The following SYMPK variants were observed in gnomAD, a reference collection of about 807,000 sequenced individuals.
The protein encoded by SYMPK is symplekin.
Under a neutral mutation model 136.4 loss-of-function variants are expected in SYMPK, and 49 were observed. The ratio of observed to expected loss-of-function variants is 0.36; its 90% CI spans 0.29 to 0.46. The LOEUF is 0.46. Ranked by LOEUF, SYMPK falls within the 20% of genes least tolerant of loss-of-function variation. The pLI, the probability that SYMPK is intolerant of heterozygous loss-of-function variation, is 1.00. For missense variants in SYMPK, 1,365 were observed against 1,690.0 expected (o/e 0.81, Z 3.37); for synonymous variants, 766 against 713.0 (o/e 1.07, Z -1.19).
Position 45,847,633 on chromosome 19 carries a change from C to G in SYMPK, c.676+119G>C. ...AACCTAGCACCAGGGATCTTAACTACTGCACACACTGTTCCAGAAATTTAA... is the reference window on the plus strand; with the variant it reads ...AACCTAGCACCAGGGATCTTAACTAGTGCACACACTGTTCCAGAAATTTAA... On this transcript the variant is annotated intron_variant, in intron 7 of 26. Coordinates refer to ENST00000245934, the MANE Select transcript of SYMPK (RefSeq NM_004819.3). 3 of 1,264,854 alleles carry G rather than the reference C, an allele frequency of 2.4e-6. No homozygotes were observed. The East Asian group carries it at 7.2e-5, about 30-fold the overall frequency. 78.4% of individuals were successfully genotyped at this position (1,264,854 alleles called of 1,614,324 possible).
chr19:45,847,920 GGAT>G lies in SYMPK; in HGVS notation c.505_507del (p.Ile169del). ...CCGTCATTGTCAGAGTCCAATAGCA[GGAT>G]GATGTCCCCCGCCATGGCAGATACC... On this transcript the variant is annotated inframe_deletion, in exon 7 of 27. Coordinates refer to ENST00000245934, the MANE Select transcript of SYMPK (RefSeq NM_004819.3). The G allele has an allele frequency of 6.2e-7, 1 of 1,613,414 alleles. No individual in the cohort carries two copies. The highest frequency in any genetic ancestry group is 8.5e-7 in the Non-Finnish European group (1 of 1,179,588).
Position 45,816,000 on chromosome 19 carries a change from G to C in SYMPK, c.3538C>G (p.Pro1180Ala). 6.2e-7 allele frequency: 1 copy of C among 1,603,462 alleles called. No homozygotes were observed. Among genetic ancestry groups the C allele is most frequent in the East Asian group, 2.2e-5 (1 of 44,612 alleles). ...GCTTCCTCAGACGGGGGCGGGCCTG[G>C]CCGGGCCGACGGAGAGGGAGAGGGG... ...SSPSPSPSAR[P>A]GPPPSEEAMD... is the part of the protein sequence containing the mutation. Residue 1180 changes from proline to alanine, a missense_variant, in exon 26 of 27, where the codon CCA (proline) becomes GCA (alanine). Around this residue, in one of 11 missense-constraint regions of SYMPK, gnomAD observed 341 missense variants for 270.5 expected, o/e 1.26. Coordinates refer to ENST00000245934, the MANE Select transcript of SYMPK (RefSeq NM_004819.3).
At chr19:45,835,698 G>A (rs1473867025) in intron 10 of SYMPK, among the ~76,000 whole-genome samples, 1 of 152,114 alleles carries the variant, frequency 6.6e-6, no homozygotes, top group African/African-American at 2.4e-5. Flanking sequence ...GATCACTTGA[G>A]GTCAGGAGCC....
At chr19:45,829,704 G>T (rs1211478343) in intron 13 of SYMPK, among the ~76,000 whole-genome samples, 1 of 152,214 alleles carries the variant, frequency 6.6e-6, no homozygotes, top group Admixed American at 6.5e-5. Context: ...AATCAGGACA[G>T]AGAACCAGGT....
At position 45,852,191 on chromosome 19, in the gene SYMPK, G is replaced by T; in HGVS notation, c.299+121C>A. 4.0e-6 allele frequency: 4 copies of T among 1,000,880 alleles called. 1 individual carries two copies. The highest frequency in any genetic ancestry group is 3.9e-5 in the South Asian group (3 of 76,810). 62.0% of individuals were successfully genotyped at this position (1,000,880 alleles called of 1,614,324 possible). ...TTTGCTGGGGAATCAGTGTGTATGA[G>T]AGAGAGAAAGGGTCTGGGAAGCAGA... On this transcript the variant is annotated intron_variant, in intron 5 of 26. Transcript: ENST00000245934.
At chr19:45,818,236 G>A (rs1970801033) in intron 22 of SYMPK, 90 bp from the exon 23 acceptor site, 1 of 1,328,378 alleles carries the variant, frequency 7.5e-7, no homozygotes, top group Middle Eastern at 2.3e-4. Flanking sequence ...GCCCATGTGA[G>A]GGGAAGACTT....
At chr19:45,858,291 G>A (rs556254676) in intron 1 of SYMPK, among the ~76,000 whole-genome samples, 1 of 152,248 alleles carries the variant, frequency 6.6e-6, no homozygotes, top group East Asian at 1.9e-4. Flanking sequence ...CATCTGGCCT[G>A]TTCTTCCTCT....
chr19:45,816,589 G>T lies in SYMPK; in HGVS notation c.3259-12C>A, dbSNP rs758241936. The stretch of plus-strand genomic sequence containing the variant: ...GGGATGTGAGCTTGCTGGGTGGAGA[G>T]CAGGAAGGGGGCGCTGGGGGCAGCT... On this transcript the variant is annotated splice_polypyrimidine_tract_variant and intron_variant, in intron 24 of 26. Transcript: ENST00000245934. 15 of 1,613,282 alleles carry T rather than the reference G, an allele frequency of 9.3e-6. No homozygotes were observed. Among genetic ancestry groups the T allele is most frequent in the Admixed American group, 3.3e-5 (2 of 59,986 alleles).
chr19:45,831,010 T>C (rs932295097), intron 12 of SYMPK: 1 of 164,800 alleles, frequency 6.1e-6, no homozygotes, highest in South Asian at 2.0e-4. Flanking sequence ...TAGCATTTAC[T>C]ACACAACAGG....
intron 5 of SYMPK, among the ~76,000 whole-genome samples, chr19:45,851,811 T>TTCGCCAC (rs1473648666): frequency 6.6e-5 from 10 of 151,964 alleles, no homozygotes; most frequent in African/African-American, 2.4e-4. Context: ...AAGTCGGAGG[T>TTCGCCAC]TGCAGTGAGC....
chr19:45,816,368 G>A, intron 25 of SYMPK, 114 bp downstream of exon 25: 1 of 1,400,442 alleles, frequency 7.1e-7, no homozygotes, highest in East Asian at 2.5e-5. Context: ...GTGGCCCAGA[G>A]GCAGGGGTGG....
chr19:45,834,556 C>T (rs115457562), intron 11 of SYMPK, among the ~76,000 whole-genome samples: 21,659 of 151,742 alleles, frequency 0.14, 1,623 homozygotes, highest in South Asian at 0.18. Context: ...CATGTTTAGA[C>T]TTGGATCCCA....
chr19:45,844,974 T>C (rs1176518197), intron 7 of SYMPK, among the ~76,000 whole-genome samples: 2 of 152,242 alleles, frequency 1.3e-5, no homozygotes, highest in Non-Finnish European at 2.9e-5. Flanking sequence ...TGCATAATTA[T>C]CACCATCAGG....
Position 45,847,986 on chromosome 19 carries a change from G to A in SYMPK, c.442C>T (p.Arg148Trp), listed in dbSNP as rs751061633. Residue 148 changes from arginine to tryptophan, a missense_variant, in exon 7 of 27, where the codon CGG (arginine) becomes TGG (tryptophan). Physicochemically the swap from Arg to Trp is moderately radical, Grantham distance 101. This residue lies in a region of SYMPK where 237 missense variants were observed against 292.9 expected (regional missense o/e 0.81). Transcript: ENST00000245934. ...KVALQWMVKS[R>W]VISELQEACW... is the part of the protein sequence containing the mutation. ...GCCTCCTGTAGCTCGCTAATGACCC[G>A]TGACTTTACCATCCACTGCCAGCAG... 1.3e-6 allele frequency: 2 copies of A among 1,589,140 alleles called. No homozygotes were observed. The highest frequency in any genetic ancestry group is 1.7e-6 in the Non-Finnish European group (2 of 1,162,388).
rs779179333 is a variant in SYMPK at position 45,815,937 on chromosome 19, G to T, written c.3601C>A (p.Pro1201Thr). The change falls in exon 26 of 27, where the codon CCG becomes ACG. Residue 1201 changes from proline (P) to threonine (T), a missense_variant. Pro to Thr is a conservative substitution (Grantham distance 38). Transcript: ENST00000245934. ...TCATCCATGCTGATGAAGATGCCCG[G>T]GGTCTCGCACTCAGGCCCCTCCTCC... is the stretch of plus-strand genomic sequence containing the variant. ...FREEGPECET[P>T]GIFISMDDDS... 5.0e-6 allele frequency: 8 copies of T among 1,611,754 alleles called. No individual in the cohort carries two copies. The highest frequency in any genetic ancestry group is 3.4e-6 in the Non-Finnish European group (4 of 1,179,740).
At position 45,823,367 on chromosome 19, in the gene SYMPK, C is replaced by T. The variant is rs994471134; in HGVS notation, c.2700+5G>A. 2 of 1,613,720 alleles carry T rather than the reference C, an allele frequency of 1.2e-6. No individual in the cohort carries two copies. The highest frequency in any genetic ancestry group is 1.3e-5 in the African/African-American group (1 of 74,936). ...GCAGGGACAAACAGGCCTCCAGCTC[C>T]ATACCTTCTCCAGCCCATTGAGCAC... is the stretch of plus-strand genomic sequence containing the variant. On this transcript the variant is annotated splice_donor_5th_base_variant and intron_variant, in intron 20 of 26. Coordinates refer to ENST00000245934, the MANE Select transcript of SYMPK (RefSeq NM_004819.3).
chr19:45,836,787 T>G (rs1971311769), intron 10 of SYMPK, among the ~76,000 whole-genome samples: 1 of 152,118 alleles, frequency 6.6e-6, no homozygotes. Flanking sequence ...CACAGGTACA[T>G]GCCACCATGC....
At position 45,839,572 on chromosome 19, in the gene SYMPK, C is replaced by T. The variant is rs567958714; in HGVS notation, c.1088-957G>A. ...GTTAAAACCACTGGGTGAGGCTGGGCGCAGTGGCTCACACCTGTAATCCCA... is the reference window on the plus strand; with the variant it reads ...GTTAAAACCACTGGGTGAGGCTGGGTGCAGTGGCTCACACCTGTAATCCCA... On this transcript the variant is annotated intron_variant, in intron 9 of 26. Transcript: ENST00000245934. Among the ~76,000 whole-genome samples the T allele has an allele frequency of 1.6e-4, 24 of 151,948 alleles. No homozygotes were observed. The South Asian group carries it at 3.5e-3, about 22-fold the overall frequency.
intron 7 of SYMPK, 89 bp from the exon 8 acceptor site, chr19:45,844,289 A>G: frequency 9.3e-7 from 1 of 1,071,414 alleles, no homozygotes; most frequent in Non-Finnish European, 1.3e-6. Flanking sequence ...GGAAGGACAG[A>G]TCCTGGTACC....
Sources: allele counts gnomAD v4.1 joint callset (sites outside exome capture counted in the v4.1 genomes callset), GRCh38; gene constraint gnomAD v4.1.1; regional missense constraint gnomAD v4.1.1; transcripts MANE v1.5; gene names NCBI Gene and HGNC (gene_info 2026-07-23, HGNC 2026-07-21).